Variants in LHFPL6 observed in about 807,000 individuals in gnomAD.
LHFPL6 encodes LHFPL tetraspan subfamily member 6 protein.
LHFPL6 carries 9 observed loss-of-function variants against 20.6 expected under a neutral mutation model. That is an observed-to-expected ratio of 0.44 (90% confidence interval 0.26 to 0.76). The LOEUF (loss-of-function observed/expected upper bound fraction) is 0.76. Among genes scored for constraint, LHFPL6 ranks in the 30% least tolerant of loss-of-function variants. The probability of loss-of-function intolerance (pLI) is 0.20; values close to 1 mark genes in which losing one functional copy is unlikely to be tolerated. For missense variants in LHFPL6, 218 were observed against 253.5 expected, an observed-to-expected ratio of 0.86 and a Z score of 0.95; for synonymous variants, 105 against 98.7, an observed-to-expected ratio of 1.06 and a Z score of -0.38.
At chr13:39,438,086 A>G (rs1872014425) in intron 2 of LHFPL6, among the ~76,000 whole-genome samples, 1 of 152,160 alleles carries the variant, frequency 6.6e-6, no homozygotes, top group African/African-American at 2.4e-5. Flanking sequence ...AATTGTTGTG[A>G]CCAAAATTCT....
At chr13:39,380,788 C>T (rs965751218) in intron 2 of LHFPL6, among the ~76,000 whole-genome samples, 10 of 151,998 alleles carry the variant, frequency 6.6e-5, no homozygotes, top group African/African-American at 1.2e-4. Context: ...CCACTGTGCC[C>T]GGCCTAGCAT....
At chr13:39,445,759 A>G (rs1267457310) in intron 2 of LHFPL6, among the ~76,000 whole-genome samples, 1 of 152,222 alleles carries the variant, frequency 6.6e-6, no homozygotes, top group Non-Finnish European at 1.5e-5. Context: ...TCAAATAGCA[A>G]CTCAGAGTCT....
Position 39,601,076 on chromosome 13 carries a change from G to C in LHFPL6, c.141C>G (p.Phe47Leu). 1 of 1,614,208 alleles carries C rather than the reference G, an allele frequency of 6.2e-7. No homozygotes were observed. The highest frequency in any genetic ancestry group is 8.5e-7 in the Non-Finnish European group (1 of 1,180,036). ...CATGCACAGGATATGAGCACCTCCGGAAGGTACCGAAGGACACAGGCTTGC... is the reference window on the plus strand; with the variant it reads ...CATGCACAGGATATGAGCACCTCCGCAAGGTACCGAAGGACACAGGCTTGC... ...QLGKPVSFGT[F>L]RRCSYPVHDE... Residue 47 changes from phenylalanine to leucine, a missense_variant, in exon 2 of 4, where the codon TTC (phenylalanine) becomes TTG (leucine). Physicochemically the swap from Phe to Leu is conservative, Grantham distance 22. Coordinates refer to ENST00000379589, the MANE Select transcript of LHFPL6 (RefSeq NM_005780.3).
intron 2 of LHFPL6, among the ~76,000 whole-genome samples, chr13:39,528,682 T>TTATGAG (rs2138492733): frequency 6.6e-6 from 1 of 152,284 alleles, no homozygotes; most frequent in Non-Finnish European, 1.5e-5. Flanking sequence ...AAAATAGAAT[T>TTATGAG]TATGAGTTGC....
intron 2 of LHFPL6, among the ~76,000 whole-genome samples, chr13:39,445,485 CAGG>C (rs1872262325): frequency 6.6e-6 from 1 of 152,096 alleles, no homozygotes; most frequent in Admixed American, 6.5e-5. Flanking sequence ...CCCAAATTAC[CAGG>C]AGAATGCTCA....
At chr13:39,404,508 G>T (rs769235089) in intron 2 of LHFPL6, among the ~76,000 whole-genome samples, 1 of 152,104 alleles carries the variant, frequency 6.6e-6, no homozygotes, top group Non-Finnish European at 1.5e-5. Flanking sequence ...CAATGCCCAG[G>T]CCACAGCCTA....
intron 2 of LHFPL6, among the ~76,000 whole-genome samples, chr13:39,481,109 T>C (rs1868505351): frequency 6.6e-6 from 1 of 152,208 alleles, no homozygotes; most frequent in Non-Finnish European, 1.5e-5. Context: ...CCCAATTAAC[T>C]TGTATTAGTT....
chr13:39,430,229 C>A (rs1459412415), intron 2 of LHFPL6, among the ~76,000 whole-genome samples: 1 of 152,186 alleles, frequency 6.6e-6, no homozygotes, highest in African/African-American at 2.4e-5. Context: ...AAAACTTATT[C>A]CCCATCTTCA....
chr13:39,421,485 T>G (rs761837804), intron 2 of LHFPL6, among the ~76,000 whole-genome samples: 20 of 152,158 alleles, frequency 1.3e-4, no homozygotes, highest in Non-Finnish European at 2.6e-4. Context: ...TCATTGTCAT[T>G]TAGGAGATTT....
At chr13:39,562,512 A>G (rs1871545673) in intron 2 of LHFPL6, among the ~76,000 whole-genome samples, 2 of 146,966 alleles carry the variant, frequency 1.4e-5, no homozygotes, top group Admixed American at 6.9e-5. Flanking sequence ...ATACATATAT[A>G]CATATATACA....
At chr13:39,526,188 T>G (rs1488760818) in intron 2 of LHFPL6, among the ~76,000 whole-genome samples, 1 of 152,238 alleles carries the variant, frequency 6.6e-6, no homozygotes, top group African/African-American at 2.4e-5. Flanking sequence ...CAGGAACTTA[T>G]TCACTGTTAT....
At chr13:39,386,804 C>T (rs1870576270) in intron 2 of LHFPL6, among the ~76,000 whole-genome samples, 1 of 152,202 alleles carries the variant, frequency 6.6e-6, no homozygotes, top group Non-Finnish European at 1.5e-5. Flanking sequence ...ACATTTCTGA[C>T]TGGGGATCCC....
intron 3 of LHFPL6, among the ~76,000 whole-genome samples, chr13:39,364,671 A>C (rs548717008): frequency 2.0e-5 from 3 of 151,768 alleles, no homozygotes; most frequent in Non-Finnish European, 4.4e-5. Context: ...TTTTTAATTA[A>C]CTGTAAAAGT....
chr13:39,429,926 T>C (rs1050057382), intron 2 of LHFPL6, among the ~76,000 whole-genome samples: 2 of 152,258 alleles, frequency 1.3e-5, no homozygotes, highest in African/African-American at 4.8e-5. Flanking sequence ...TTCCCTGGCT[T>C]GTAGGGCACC....
At chr13:39,379,709 A>T (rs927719988) in intron 2 of LHFPL6, among the ~76,000 whole-genome samples, 11 of 152,164 alleles carry the variant, frequency 7.2e-5, no homozygotes, top group African/African-American at 2.7e-4. Flanking sequence ...GCTACTTTCC[A>T]TCCCTGTCCT....
intron 2 of LHFPL6, among the ~76,000 whole-genome samples, chr13:39,483,442 A>G (rs965419207): frequency 6.6e-6 from 1 of 151,322 alleles, no homozygotes; most frequent in Non-Finnish European, 1.5e-5. Context: ...TACAAAAACA[A>G]TTGGCCTAGA....
intron 2 of LHFPL6, among the ~76,000 whole-genome samples, chr13:39,563,577 A>G (rs1293322904): frequency 1.3e-5 from 2 of 152,224 alleles, no homozygotes; most frequent in Non-Finnish European, 2.9e-5. Context: ...TCAAGAGCAG[A>G]ATCATTGCAT....
In LHFPL6 at chr13:39,343,099, T is replaced by G. The variant is rs145651099; in HGVS notation, c.*837A>C. 1 of 202,568 alleles carries G rather than the reference T, an allele frequency of 4.9e-6. No homozygotes were observed. Among genetic ancestry groups the G allele is most frequent in the East Asian group, 7.6e-5 (1 of 13,098 alleles). 12.5% of individuals were successfully genotyped at this position (202,568 alleles called of 1,614,324 possible). ...TTCTCTCCTATAGTGGACAGAAAGTTGCCCCTTTTCTTCATAAGAATATCA... is the reference window on the plus strand; with the variant it reads ...TTCTCTCCTATAGTGGACAGAAAGTGGCCCCTTTTCTTCATAAGAATATCA... On this transcript the variant is annotated 3_prime_UTR_variant, in exon 4 of 4. Coordinates refer to ENST00000379589, the MANE Select transcript of LHFPL6 (RefSeq NM_005780.3).
intron 2 of LHFPL6, among the ~76,000 whole-genome samples, chr13:39,464,722 A>C (rs1555263607): frequency 7.5e-6 from 1 of 134,100 alleles, no homozygotes. Flanking sequence ...TTTTTGTCTG[A>C]CCTAACGTCT....
Sources: gnomAD v4.1 joint callset for allele counts (sites outside exome capture counted in the v4.1 genomes callset) on GRCh38, gnomAD v4.1.1 for gene constraint, MANE v1.5 for transcripts, NCBI Gene and HGNC (gene_info 2026-07-23, HGNC 2026-07-21) for gene names.